FHDC1: variants seen among roughly 807,000 people sequenced by gnomAD.
FHDC1 encodes the protein FH2 domain containing 1, also known as FH2 domain-containing protein 1.
A neutral mutation model predicts 52.6 loss-of-function variants in FHDC1; 25 were observed. The ratio of observed to expected loss-of-function variants is 0.48; its 90% CI spans 0.35 to 0.66. FHDC1 has a LOEUF of 0.66. FHDC1 is among the 30% of genes least tolerant of loss of function. FHDC1 has a pLI of 0.01. For synonymous variants in FHDC1, 616 were observed against 581.5 expected, an observed-to-expected ratio of 1.06 and a Z score of -0.85; for missense variants, 1,459 against 1,452.8, an observed-to-expected ratio of 1.00 and a Z score of -0.07.
At chr4:152,974,453 C>T (rs937618957) in intron 11 of FHDC1, among the ~76,000 whole-genome samples, 12 of 152,048 alleles carry the variant, frequency 7.9e-5, no homozygotes, top group African/African-American at 2.9e-4. Flanking sequence ...TGCTCAGATC[C>T]CTAGTAGCTT....
Position 152,976,094 on chromosome 4 carries a change from A to G in FHDC1, c.2803A>G (p.Thr935Ala). ...RGPSQNPPSS[T>A]DTVWSRQNSV... Reference sequence around the variant, plus strand: ...GCCCTCCCAGAATCCCCCCAGCAGCACAGATACTGTGTGGTCACGCCAGAA... The same window carrying G: ...GCCCTCCCAGAATCCCCCCAGCAGCGCAGATACTGTGTGGTCACGCCAGAA... Residue 935 changes from threonine to alanine, a missense_variant, in exon 12 of 12, where the codon ACA becomes GCA. Physicochemically the swap from Thr to Ala is moderately conservative, Grantham distance 58. Coordinates refer to ENST00000511601, the MANE Select transcript of FHDC1 (RefSeq NM_001371116.1). 3 of 1,609,778 alleles carry G rather than the reference A, an allele frequency of 1.9e-6. No homozygotes were observed. The highest frequency in any genetic ancestry group is 1.1e-5 in the South Asian group (1 of 90,610).
chr4:152,918,470 G>A, the FHDC1 span: 2 of 152,234 alleles, frequency 1.3e-5, no homozygotes, highest in Non-Finnish European at 2.9e-5. Context: ...GCAGAGCCAG[G>A]TAATTGTCTT....
In FHDC1 at chr4:152,953,503, C is replaced by A. The variant is rs143691082; in HGVS notation, c.503C>A (p.Thr168Asn). Residue 168 changes from threonine (T) to asparagine (N), a missense_variant, in exon 3 of 12, where the codon ACT becomes AAT. Coordinates refer to ENST00000511601, the MANE Select transcript of FHDC1 (RefSeq NM_001371116.1). ...TGTCCTTATTTTTTTTTCCAGATTA[C>A]TATTTTGGATGCAAAACGGAGCATG... Reference protein sequence around the residue: ...SSFREAREEITILDAKRSMNI... With the variant: ...SSFREAREEINILDAKRSMNI... 143 of 1,610,572 alleles carry A rather than the reference C, an allele frequency of 8.9e-5. No homozygotes were observed. The highest frequency in any genetic ancestry group is 1.1e-4 in the Non-Finnish European group (134 of 1,178,820).
intron 8 of FHDC1, among the ~76,000 whole-genome samples, chr4:152,964,696 A>G (rs769825969): frequency 6.6e-6 from 1 of 152,236 alleles, no homozygotes; most frequent in Non-Finnish European, 1.5e-5. Context: ...GTCAAGATCA[A>G]TTGCTCTGGA....
chr4:152,973,405 A>T (rs1199040057), intron 11 of FHDC1, among the ~76,000 whole-genome samples: 1 of 152,252 alleles, frequency 6.6e-6, no homozygotes, highest in Non-Finnish European at 1.5e-5. Flanking sequence ...TAAGAGAAGG[A>T]GGCTCAGCCT....
chr4:152,946,519 G>T (rs901211246), intron 2 of FHDC1, among the ~76,000 whole-genome samples: 2 of 152,190 alleles, frequency 1.3e-5, no homozygotes, highest in African/African-American at 4.8e-5. Context: ...GAACTCAGCA[G>T]GGTTCTTGTC....
chr4:152,975,460 C>T lies in FHDC1; in HGVS notation c.2169C>T (p.Ser723=), dbSNP rs1477988075. Residue 723 remains serine (S), a synonymous_variant, in exon 12 of 12, where the codon AGC becomes AGT. Transcript: ENST00000511601. The part of the protein sequence containing the change: ...GPQSLSASSS[S]LTPMGRDALG... Reference sequence around the variant, plus strand: ...AGTCCCTCAGTGCCAGCAGCAGCAGCCTGACACCCATGGGCAGAGATGCCC... The same window carrying T: ...AGTCCCTCAGTGCCAGCAGCAGCAGTCTGACACCCATGGGCAGAGATGCCC... The T allele has an allele frequency of 1.1e-5, 18 of 1,613,338 alleles. No homozygotes were observed. The highest frequency in any genetic ancestry group is 1.5e-5 in the Non-Finnish European group (18 of 1,179,996).
chr4:152,975,236 T>A lies in FHDC1; in HGVS notation c.1945T>A (p.Tyr649Asn). Residue 649 changes from tyrosine (Y) to asparagine (N), a missense_variant, in exon 12 of 12, where the codon TAC (tyrosine) becomes AAC (asparagine). This residue lies in a region of FHDC1 where 939 missense variants were observed against 854.5 expected (regional missense o/e 1.10). Transcript: ENST00000511601. Reference protein sequence around the residue: ...RQGVSVLRKRYSEPVSLGSAQ... With the variant: ...RQGVSVLRKRNSEPVSLGSAQ... ...GGGCGTCAGTGTCCTCCGAAAGAGG[T>A]ACAGTGAGCCGGTGAGCCTGGGCTC... is the stretch of plus-strand genomic sequence containing the variant. 1.2e-6 allele frequency: 2 copies of A among 1,613,310 alleles called. No homozygotes were observed. The highest frequency in any genetic ancestry group is 1.7e-6 in the Non-Finnish European group (2 of 1,179,996).
intron 9 of FHDC1, among the ~76,000 whole-genome samples, chr4:152,965,847 A>G (rs1341163722): frequency 2.6e-5 from 4 of 152,222 alleles, no homozygotes; most frequent in South Asian, 2.1e-4. Context: ...AGTGTATCCA[A>G]CTATGACATC....
chr4:152,920,853 T>TA, the FHDC1 span, among the ~76,000 whole-genome samples: 2,639 of 147,808 alleles, frequency 0.018, 72 homozygotes, highest in African/African-American at 0.058. Flanking sequence ...AGTGTCTTTT[T>TA]AAAAAAAAAA....
chr4:152,918,329 T>A, the FHDC1 span: 3 of 152,250 alleles, frequency 2.0e-5, no homozygotes, highest in African/African-American at 7.2e-5. Context: ...CATTCACTAG[T>A]AGTGAACTAA....
chr4:152,929,440 G>A, the FHDC1 span, among the ~76,000 whole-genome samples: 3 of 152,182 alleles, frequency 2.0e-5, no homozygotes, highest in Non-Finnish European at 2.9e-5. The surrounding 1 kb of genome is among the most constrained non-coding windows in gnomAD (Gnocchi z 4.1). Flanking sequence ...AGGGAGATAT[G>A]TCACTTTTTA....
intron 1 of FHDC1, among the ~76,000 whole-genome samples, chr4:152,936,979 C>CA (rs932543990): frequency 2.6e-5 from 4 of 152,366 alleles, no homozygotes; most frequent in Non-Finnish European, 5.9e-5. Context: ...CTCGCCCCGA[C>CA]AAACTTGCTC....
chr4:152,961,149 T>C (rs1740267562), intron 6 of FHDC1, among the ~76,000 whole-genome samples: 1 of 152,164 alleles, frequency 6.6e-6, no homozygotes, highest in Non-Finnish European at 1.5e-5. Context: ...TCTCTGTGTA[T>C]GTTGGTATGT....
rs370081166 is a variant in FHDC1 at position 152,974,840 on chromosome 4, C to T, written c.1549C>T (p.Pro517Ser). The T allele has an allele frequency of 6.3e-7, 1 of 1,599,208 alleles. No homozygotes were observed. The highest frequency in any genetic ancestry group is 8.5e-7 in the Non-Finnish European group (1 of 1,170,204). The change falls in exon 12 of 12, where the codon CCT becomes TCT. Residue 517 changes from proline (P) to serine (S), a missense_variant. Transcript: ENST00000511601. ...LTKKGAEGLL[P>S]FLHPRPISPS... ...CAAGAAGGGTGCAGAGGGCCTGCTC[C>T]CTTTCCTGCACCCCAGGCCCATCAG...
intron 1 of FHDC1, among the ~76,000 whole-genome samples, chr4:152,941,906 C>G (rs903518024): frequency 6.6e-6 from 1 of 152,132 alleles, no homozygotes; most frequent in Non-Finnish European, 1.5e-5. Flanking sequence ...GGTACTCACT[C>G]AATAGCCTGC....
intron 2 of FHDC1, among the ~76,000 whole-genome samples, chr4:152,947,967 G>T (rs1047022832): frequency 6.6e-6 from 1 of 152,040 alleles, no homozygotes; most frequent in Non-Finnish European, 1.5e-5. Flanking sequence ...CCAGAATTTC[G>T]GGATATGCTC....
intron 7 of FHDC1, 48 bp from the exon 8 acceptor site, chr4:152,962,975 G>GTGTGTGTGTA: frequency 6.9e-7 from 1 of 1,446,050 alleles, no homozygotes; most frequent in Non-Finnish European, 9.6e-7. Flanking sequence ...GTGTGTGTGT[G>GTGTGTGTGTA]TGTGTGTATG....
intron 9 of FHDC1, among the ~76,000 whole-genome samples, chr4:152,967,567 C>CAACATA (rs1740502851): frequency 6.6e-6 from 1 of 152,178 alleles, no homozygotes; most frequent in Non-Finnish European, 1.5e-5. Context: ...TTAGAATTAT[C>CAACATA]AACATATATT....
Sources: gnomAD v4.1 joint callset for allele counts (sites outside exome capture counted in the v4.1 genomes callset) on GRCh38, gnomAD v4.1.1 for gene constraint, gnomAD v4.1.1 regional missense constraint, Gnocchi (gnomAD v3.1) non-coding constraint, MANE v1.5 for transcripts, NCBI Gene and HGNC (gene_info 2026-07-23, HGNC 2026-07-21) for gene names.